The following GLTP variants were observed in gnomAD, a reference collection of about 807,000 sequenced individuals.
The protein encoded by GLTP is glycolipid transfer protein.
A neutral mutation model predicts 24.0 loss-of-function variants in GLTP; 22 were observed. The observed-to-expected ratio is 0.92, with a 90% CI of 0.65 to 1.31. The LOEUF is 1.31. Among genes scored for constraint, GLTP ranks in the 50% most tolerant of loss-of-function variants. GLTP has a pLI of 0.00. For synonymous variants in GLTP, 92 were observed against 115.9 expected, an observed-to-expected ratio of 0.79 and a Z score of 1.33; for missense variants, 224 against 276.6, an observed-to-expected ratio of 0.81 and a Z score of 1.35.
intron 4 of GLTP, among the ~76,000 whole-genome samples, chr12:109,853,862 C>G (rs1892759409): frequency 6.6e-6 from 1 of 151,178 alleles, no homozygotes; most frequent in Non-Finnish European, 1.5e-5. Context: ...CCTGCCTCAA[C>G]CTCCCGAGTA....
rs1047360138 is a variant in GLTP, at chr12:109,857,171, C to T, written c.296+355G>A. 1.3e-5 allele frequency among the ~76,000 whole-genome samples: 2 copies of T among 152,220 alleles called. No individual in the cohort carries two copies. Among genetic ancestry groups the T allele is most frequent in the African/African-American group, 2.4e-5 (1 of 41,466 alleles). ...GCAGTACGCAACCTGCATAACTGTG[C>T]TGGATGACATGGGCACGTGATTTGG... On this transcript the variant is annotated intron_variant, in intron 3 of 4. Coordinates refer to ENST00000318348, the MANE Select transcript of GLTP (RefSeq NM_016433.4). The surrounding 1 kb of genome is among the most constrained non-coding windows in gnomAD (Gnocchi z 4.3).
intron 1 of GLTP, among the ~76,000 whole-genome samples, chr12:109,873,079 G>C (rs1868775901): frequency 6.6e-6 from 1 of 152,034 alleles, no homozygotes; most frequent in African/African-American, 2.4e-5. Flanking sequence ...TGTATTTCAT[G>C]TGTGGCCCAA....
intron 1 of GLTP, among the ~76,000 whole-genome samples, chr12:109,871,905 G>A (rs1440855457): frequency 1.3e-5 from 2 of 152,220 alleles, no homozygotes; most frequent in African/African-American, 4.8e-5. Context: ...TCACAGTGGA[G>A]GGCTGTCCCT....
chr12:109,861,030 A>G (rs1868356298), intron 1 of GLTP, among the ~76,000 whole-genome samples: 1 of 152,200 alleles, frequency 6.6e-6, no homozygotes, highest in African/African-American at 2.4e-5. Flanking sequence ...CCAGGGGACA[A>G]AGACCCCAGA....
At chr12:109,866,203 T>A (rs1404425186) in intron 1 of GLTP, 4 of 152,182 alleles carry the variant, frequency 2.6e-5, no homozygotes. Flanking sequence ...ATTTTCCATC[T>A]ACCATTTTTT....
At chr12:109,859,349 G>A (rs541260314) in intron 1 of GLTP, among the ~76,000 whole-genome samples, 1 of 152,294 alleles carries the variant, frequency 6.6e-6, no homozygotes, top group South Asian at 2.1e-4. Context: ...GTGAAACCTT[G>A]TCTCTACTAA....
At chr12:109,863,121 C>G (rs1033627620) in intron 1 of GLTP, among the ~76,000 whole-genome samples, 1 of 152,124 alleles carries the variant, frequency 6.6e-6, no homozygotes, top group Non-Finnish European at 1.5e-5. Flanking sequence ...GATGGATGGA[C>G]AGAGATATGG....
intron 1 of GLTP, among the ~76,000 whole-genome samples, chr12:109,863,451 G>T (rs986972879): frequency 2.0e-5 from 3 of 152,218 alleles, no homozygotes; most frequent in African/African-American, 7.2e-5. Flanking sequence ...GCACCCAGCA[G>T]ATGCCTGACC....
chr12:109,870,801 C>G (rs975835538), intron 1 of GLTP, among the ~76,000 whole-genome samples: 11 of 152,124 alleles, frequency 7.2e-5, no homozygotes, highest in Non-Finnish European at 1.3e-4. Context: ...CTTGGAGGAA[C>G]AGCAAGGCAG....
At chr12:109,858,056 C>T (rs1482981231) in intron 2 of GLTP, 7 of 451,240 alleles carry the variant, frequency 1.6e-5, no homozygotes, top group Non-Finnish European at 2.2e-5. Context: ...AAATAGGTTC[C>T]GAGGATTCCA....
At chr12:109,870,628 G>T (rs748244514) in intron 1 of GLTP, among the ~76,000 whole-genome samples, 11 of 152,104 alleles carry the variant, frequency 7.2e-5, no homozygotes, top group Non-Finnish European at 1.5e-4. Context: ...AGAAATCAAA[G>T]CAGAAGGAGA....
At chr12:109,875,987 C>T (rs958720865) in intron 1 of GLTP, among the ~76,000 whole-genome samples, 4 of 152,194 alleles carry the variant, frequency 2.6e-5, no homozygotes, top group Non-Finnish European at 4.4e-5. Flanking sequence ...CAGAGCCCGA[C>T]ATAAGAAGCA....
Position 109,852,713 on chromosome 12 carries a change from T to C in GLTP, c.472A>G (p.Lys158Glu), listed in dbSNP as rs1892743349. 1 of 1,612,452 alleles carries C rather than the reference T, an allele frequency of 6.2e-7. No homozygotes were observed. Among genetic ancestry groups the C allele is most frequent in the East Asian group, 2.2e-5 (1 of 44,888 alleles). Residue 158 changes from lysine to glutamate, a missense_variant, in exon 5 of 5, where the codon AAG becomes GAG. Physicochemically the swap from Lys to Glu is moderately conservative, Grantham distance 56. Transcript: ENST00000318348. Reference protein sequence around the residue: ...FQAALYAAPYKSDFLKALSKG... With the variant: ...FQAALYAAPYESDFLKALSKG... Reference sequence around the variant, plus strand: ...GAGAGCGCTTTCAGGAAGTCAGACTTATAGGGTGCTGCGTACAGTGCTGCC... The same window carrying C: ...GAGAGCGCTTTCAGGAAGTCAGACTCATAGGGTGCTGCGTACAGTGCTGCC...
At position 109,880,344 on chromosome 12, in the gene GLTP, G is replaced by A. The variant is rs375674800; in HGVS notation, c.31C>T (p.Pro11Ser). Residue 11 changes from proline (P) to serine (S), a missense_variant, in exon 1 of 5, where the codon CCG (proline) becomes TCG (serine). Coordinates refer to ENST00000318348, the MANE Select transcript of GLTP (RefSeq NM_016433.4). This position sits in a 1 kb window ranked among gnomAD's most constrained non-coding sequence, Gnocchi z 5.1. Reference sequence around the variant, plus strand: ...TCGATCTGCTTGTCCGCGGGCAGCGGCTTCAGCAAGTGTTCGGCCAGCAGC... The same window carrying A: ...TCGATCTGCTTGTCCGCGGGCAGCGACTTCAGCAAGTGTTCGGCCAGCAGC... MALLAEHLLKPLPADKQIETG... is the reference protein window; with the variant it reads MALLAEHLLKSLPADKQIETG... 2 of 1,601,612 alleles carry A rather than the reference G, an allele frequency of 1.2e-6. No individual in the cohort carries two copies. The highest frequency in any genetic ancestry group is 2.7e-5 in the African/African-American group (2 of 74,122).
chr12:109,856,857 G>A (rs1008291542), intron 3 of GLTP, among the ~76,000 whole-genome samples: 2 of 152,214 alleles, frequency 1.3e-5, no homozygotes, highest in Non-Finnish European at 2.9e-5. Flanking sequence ...CTAACATGGC[G>A]GGCTTGTCTC....
chr12:109,876,619 AG>A (rs773734042), intron 1 of GLTP, among the ~76,000 whole-genome samples: 1 of 120,456 alleles, frequency 8.3e-6, no homozygotes, highest in Non-Finnish European at 1.7e-5. Context: ...GGAGGAAGGG[AG>A]GGGGAGGGAG....
At chr12:109,868,676 A>T (rs534152125) in intron 1 of GLTP, among the ~76,000 whole-genome samples, 3 of 152,216 alleles carry the variant, frequency 2.0e-5, no homozygotes, top group Non-Finnish European at 4.4e-5. Context: ...GTGATGCTAC[A>T]AGCCTGGTGT....
At chr12:109,869,331 AAGAAAGAAAG>A (rs1555214941) in intron 1 of GLTP, among the ~76,000 whole-genome samples, 1 of 150,000 alleles carries the variant, frequency 6.7e-6, no homozygotes, top group Non-Finnish European at 1.5e-5. Flanking sequence ...GAAAGAAAGA[AAGAAAGAAAG>A]AGAAAGAAAA....
In GLTP at chr12:109,857,302, C is replaced by A. The variant is rs1892809579; in HGVS notation, c.296+224G>T. On this transcript the variant is annotated intron_variant, in intron 3 of 4. Coordinates refer to ENST00000318348, the MANE Select transcript of GLTP (RefSeq NM_016433.4). The surrounding 1 kb of genome is among the most constrained non-coding windows in gnomAD (Gnocchi z 4.3). The stretch of plus-strand genomic sequence containing the variant: ...GTGTATAAAGAGCTTAGCACAACTC[C>A]CAGATCAGGGTGTGCTCATATACTG... 2.0e-5 allele frequency among the ~76,000 whole-genome samples: 3 copies of A among 152,154 alleles called. No homozygotes were observed.
Sources: gnomAD v4.1 joint callset for allele counts (sites outside exome capture counted in the v4.1 genomes callset) on GRCh38, gnomAD v4.1.1 for gene constraint, Gnocchi (gnomAD v3.1) non-coding constraint, MANE v1.5 for transcripts, NCBI Gene and HGNC (gene_info 2026-07-23, HGNC 2026-07-21) for gene names.